ABCC3: variants seen among roughly 807,000 people sequenced by gnomAD.
ABCC3 encodes ATP-binding cassette sub-family C member 3.
Under a neutral mutation model 165.3 loss-of-function variants are expected in ABCC3, and 121 were observed. The ratio of observed to expected loss-of-function variants is 0.73; its 90% CI spans 0.63 to 0.85. ABCC3 has a LOEUF of 0.85. Ranked by LOEUF, ABCC3 falls within the 40% of genes least tolerant of loss-of-function variation. The probability of loss-of-function intolerance (pLI) is 0.00; values close to 1 mark genes in which losing one functional copy is unlikely to be tolerated. For synonymous variants in ABCC3, 733 were observed against 810.1 expected (o/e 0.90, Z 1.62); for missense variants, 1,869 against 1,964.1 (o/e 0.95, Z 0.92).
chr17:50,657,495 T>G (rs1350621783), intron 4 of ABCC3, among the ~76,000 whole-genome samples: 1 of 152,176 alleles, frequency 6.6e-6, no homozygotes, highest in Non-Finnish European at 1.5e-5. Flanking sequence ...AATGAACACA[T>G]GTATGCAGAC....
chr17:50,654,180 G>T (rs1270394071), intron 1 of ABCC3, among the ~76,000 whole-genome samples: 1 of 152,140 alleles, frequency 6.6e-6, no homozygotes, highest in East Asian at 1.9e-4. Context: ...ATAATTATTT[G>T]AATTGGCAAT....
intron 8 of ABCC3, among the ~76,000 whole-genome samples, chr17:50,661,904 A>G (rs1042015057): frequency 2.6e-5 from 4 of 152,224 alleles, no homozygotes; most frequent in Admixed American, 2.6e-4. Context: ...AGAGACAAGT[A>G]GGTGAAGAAA....
Position 50,687,536 on chromosome 17 carries a change from C to A in ABCC3, c.4281C>A (p.Ser1427Arg), listed in dbSNP as rs764451902. The A allele has an allele frequency of 6.2e-7, 1 of 1,612,546 alleles. No homozygotes were observed. Among genetic ancestry groups the A allele is most frequent in the Non-Finnish European group, 8.5e-7 (1 of 1,179,712 alleles). ...AAATGCCTGCCTTCTCCACTCCCAGCGTGGGCCAGAGGCAGCTCGTGTGCC... is the reference window on the plus strand; with the variant it reads ...AAATGCCTGCCTTCTCCACTCCCAGAGTGGGCCAGAGGCAGCTCGTGTGCC... ...FQCSEGGENL[S>R]VGQRQLVCLA... The change falls in exon 30 of 31, where the codon AGC becomes AGA. Residue 1427 changes from serine to arginine, a missense_variant and splice_region_variant. Physicochemically the swap from Ser to Arg is moderately radical, Grantham distance 110. Coordinates refer to ENST00000285238, the MANE Select transcript of ABCC3 (RefSeq NM_003786.4).
chr17:50,673,980 C>CTTTTTCTTTCTTTCTT (rs1967725765), intron 19 of ABCC3, among the ~76,000 whole-genome samples: 1 of 9,414 alleles, frequency 1.1e-4, no homozygotes, highest in African/African-American at 6.3e-4. Flanking sequence ...TTCTTTCTTT[C>CTTTTTCTTTCTTTCTT]TCTCTCTCTC....
intron 1 of ABCC3, among the ~76,000 whole-genome samples, chr17:50,645,128 G>C (rs752176733): frequency 1.3e-4 from 20 of 151,908 alleles, no homozygotes; most frequent in Non-Finnish European, 2.8e-4. Flanking sequence ...TTGAACCCTG[G>C]AGGCAGAGGT....
intron 1 of ABCC3, among the ~76,000 whole-genome samples, chr17:50,641,495 A>C (rs1310991745): frequency 6.6e-6 from 1 of 152,194 alleles, no homozygotes; most frequent in East Asian, 1.9e-4. Flanking sequence ...TCTGGGTGCC[A>C]AGAACTGTGG....
chr17:50,688,758 T>A (rs767203204), intron 30 of ABCC3, among the ~76,000 whole-genome samples: 28 of 149,642 alleles, frequency 1.9e-4, no homozygotes, highest in Admixed American at 4.0e-4. Context: ...AAACAAAAAT[T>A]TGCCGGATGT....
In ABCC3 at chr17:50,669,207, TC is replaced by T; in HGVS notation, c.2008del (p.Leu670TrpfsTer12). The stretch of plus-strand genomic sequence containing the variant: ...GGGGCCTGTGGGCTGTGGGAAGTCC[TC>T]CCTGGTGTCTGCCCTGCTGGGAGAG... ...VVGPVGCGKSSLVSALLGEME... is the reference protein window; with the variant it reads ...VVGPVGCGKSXLVSALLGEME... On this transcript the variant is annotated frameshift_variant, in exon 16 of 31. Transcript: ENST00000285238. LOFTEE classifies it high-confidence loss of function. 2 of 1,612,084 alleles carry T rather than the reference TC, an allele frequency of 1.2e-6. No individual in the cohort carries two copies. Among genetic ancestry groups the T allele is most frequent in the African/African-American group, 2.7e-5 (2 of 74,866 alleles).
intron 15 of ABCC3, 34 bp downstream of exon 15, chr17:50,668,953 C>T (rs373202586): frequency 8.6e-5 from 138 of 1,609,916 alleles, no homozygotes; most frequent in Non-Finnish European, 1.1e-4. Flanking sequence ...CCCAGCTGCC[C>T]ACGGTGGGCT....
At chr17:50,671,702 CTTTTTTT>C (rs386386244) in intron 17 of ABCC3, among the ~76,000 whole-genome samples, 2 of 56,394 alleles carry the variant, frequency 3.5e-5, no homozygotes, top group African/African-American at 5.7e-5. Context: ...TCCTTCCTTC[CTTTTTTT>C]TTTTTTTTTT....
intron 14 of ABCC3, 123 bp from the exon 15 acceptor site, chr17:50,668,730 A>G: frequency 3.5e-6 from 3 of 866,516 alleles, no homozygotes; most frequent in Non-Finnish European, 5.6e-6. Context: ...CCTTTTCCCA[A>G]GGATCCCCTC....
intron 2 of ABCC3, 40 bp from the exon 3 acceptor site, chr17:50,656,662 C>A: frequency 1.3e-6 from 2 of 1,588,524 alleles, no homozygotes; most frequent in Admixed American, 1.8e-5. Flanking sequence ...ACTGTCCTTG[C>A]CTCTGGGGAT....
intron 1 of ABCC3, chr17:50,635,738 G>A (rs2054173710): frequency 3.2e-6 from 2 of 622,812 alleles, no homozygotes; most frequent in East Asian, 2.7e-5. Flanking sequence ...CAGGCTACAG[G>A]CCAGGTGCAG....
At chr17:50,658,935 C>A (rs1275791170) in intron 6 of ABCC3, among the ~76,000 whole-genome samples, 3 of 152,202 alleles carry the variant, frequency 2.0e-5, no homozygotes, top group Non-Finnish European at 4.4e-5. Flanking sequence ...ATTGCCCAGG[C>A]CTCGTCCTCA....
At chr17:50,656,555 G>A in intron 2 of ABCC3, 147 bp from the exon 3 acceptor site, 1 of 1,088,002 alleles carries the variant, frequency 9.2e-7, no homozygotes, top group Non-Finnish European at 1.3e-6. Flanking sequence ...CCTCCAGCAA[G>A]CTTCTGGTCA....
intron 6 of ABCC3, 57 bp downstream of exon 6, chr17:50,658,553 T>A: frequency 6.4e-7 from 1 of 1,562,518 alleles, no homozygotes; most frequent in Non-Finnish European, 8.8e-7. Flanking sequence ...GAAGGTGAGA[T>A]GGAGAAAGGG....
At chr17:50,680,102 C>T (rs1967901824) in intron 26 of ABCC3, among the ~76,000 whole-genome samples, 1 of 152,166 alleles carries the variant, frequency 6.6e-6, no homozygotes, top group South Asian at 2.1e-4. Context: ...GGTGTTTGCC[C>T]TTAGGTGATT....
chr17:50,691,019 G>A, intron 30 of ABCC3, 73 bp from the exon 31 acceptor site: 1 of 1,225,398 alleles, frequency 8.2e-7, no homozygotes, highest in Non-Finnish European at 1.2e-6. Flanking sequence ...CAAGTACCCA[G>A]AAGAGCAGGA....
intron 11 of ABCC3, among the ~76,000 whole-genome samples, chr17:50,665,813 T>C (rs2146617925): frequency 6.6e-6 from 1 of 151,780 alleles, no homozygotes; most frequent in East Asian, 2.0e-4. Flanking sequence ...GGTTTCACCA[T>C]GTTGGCCAGG....
Sources: gnomAD v4.1 joint callset for allele counts (sites outside exome capture counted in the v4.1 genomes callset) on GRCh38, gnomAD v4.1.1 for gene constraint, MANE v1.5 for transcripts, NCBI Gene and HGNC (gene_info 2026-07-23, HGNC 2026-07-21) for gene names.